NRXN1: variants seen among roughly 807,000 people sequenced by gnomAD.
NRXN1 encodes the protein neurexin-1.
Under a neutral mutation model 150.9 loss-of-function variants are expected in NRXN1, and 39 were observed. The observed-to-expected ratio is 0.26, with a 90% confidence interval of 0.20 to 0.34. The LOEUF is 0.34. NRXN1 is among the 10% of genes least tolerant of loss of function. The pLI, the probability that NRXN1 is intolerant of heterozygous loss-of-function variation, is 1.00. For synonymous variants in NRXN1, 924 were observed against 757.0 expected (o/e 1.22, Z -3.62); for missense variants, 1,815 against 1,949.9 (o/e 0.93, Z 1.30).
At chr2:50,070,052 G>A (rs1016455308) in intron 19 of NRXN1, among the ~76,000 whole-genome samples, 3 of 151,740 alleles carry the variant, frequency 2.0e-5, no homozygotes, top group African/African-American at 2.4e-5. Flanking sequence ...GGTTTTCACC[G>A]TGTTAGCCAG....
intron 2 of NRXN1, among the ~76,000 whole-genome samples, chr2:50,945,899 T>C (rs10581802): frequency 0.032 from 3,248 of 102,958 alleles, 51 homozygotes; most frequent in African/African-American, 0.058. Context: ...TATATATATA[T>C]ACACACACAC....
At chr2:50,876,587 T>A (rs1227158130) in intron 5 of NRXN1, among the ~76,000 whole-genome samples, 2 of 151,792 alleles carry the variant, frequency 1.3e-5, no homozygotes, top group African/African-American at 2.4e-5. Context: ...ACAATATCAG[T>A]ATTTGCTCAT....
At chr2:50,045,249 ATTGAC>A (rs965022752) in intron 21 of NRXN1, among the ~76,000 whole-genome samples, 3 of 152,222 alleles carry the variant, frequency 2.0e-5, no homozygotes, top group African/African-American at 7.2e-5. Flanking sequence ...TAAAACTAAT[ATTGAC>A]TTAGTTTTTT....
intron 8 of NRXN1, among the ~76,000 whole-genome samples, chr2:50,602,521 C>T (rs2216785): frequency 0.22 from 32,875 of 151,860 alleles, 4,389 homozygotes; most frequent in East Asian, 0.39. Flanking sequence ...CCAAAAATTG[C>T]TCTTATTTTT....
At chr2:50,700,049 G>A (rs1693509360) in intron 5 of NRXN1, among the ~76,000 whole-genome samples, 1 of 152,010 alleles carries the variant, frequency 6.6e-6, no homozygotes, top group South Asian at 2.1e-4. Flanking sequence ...AGAACTAATA[G>A]TCTTTAAAAA....
intron 21 of NRXN1, among the ~76,000 whole-genome samples, chr2:50,020,843 C>A (rs985017062): frequency 1.3e-5 from 2 of 152,086 alleles, no homozygotes; most frequent in Non-Finnish European, 2.9e-5. Context: ...TAAATCTCTA[C>A]CAAAATCTCT....
chr2:50,362,685 T>C (rs2079305856), intron 17 of NRXN1, among the ~76,000 whole-genome samples: 1 of 152,188 alleles, frequency 6.6e-6, no homozygotes, highest in South Asian at 2.1e-4. Flanking sequence ...AATTTATGCA[T>C]TTAATGTTTT....
At chr2:50,263,550 C>T (rs1318821981) in intron 17 of NRXN1, among the ~76,000 whole-genome samples, 1 of 151,850 alleles carries the variant, frequency 6.6e-6, no homozygotes, top group African/African-American at 2.4e-5. Flanking sequence ...TACAGTTGGT[C>T]ATTAAATAAT....
chr2:50,221,195 G>T (rs2063859605), intron 18 of NRXN1, among the ~76,000 whole-genome samples: 1 of 151,874 alleles, frequency 6.6e-6, no homozygotes, highest in Non-Finnish European at 1.5e-5. Flanking sequence ...AAACAACAAA[G>T]AACTGAATCC....
chr2:50,863,897 A>T (rs1370777029), intron 5 of NRXN1, among the ~76,000 whole-genome samples: 2 of 152,014 alleles, frequency 1.3e-5, no homozygotes, highest in Non-Finnish European at 2.9e-5. Context: ...ATGAGATAGG[A>T]AACTTTTTTG....
At chr2:50,396,269 C>A (rs928395841) in intron 17 of NRXN1, among the ~76,000 whole-genome samples, 2 of 152,150 alleles carry the variant, frequency 1.3e-5, no homozygotes, top group Admixed American at 1.3e-4. Flanking sequence ...CTCTAAATAA[C>A]AAATTCCTGT....
rs1444709781 is a variant in NRXN1, at chr2:51,022,681, G to C, written c.772+4821C>G. On this transcript the variant is annotated intron_variant, in intron 2 of 22. Transcript: ENST00000401669. ...ATGGCAGACTTCAAACAAAACTCTG[G>C]CAAAATCTCTGAATCATTTTTAACC... Among the ~76,000 whole-genome samples the C allele has an allele frequency of 1.9e-4, 29 of 151,998 alleles. 1 individual carries two copies.
chr2:50,574,033 T>C (rs1286410879), intron 8 of NRXN1, among the ~76,000 whole-genome samples: 1 of 152,146 alleles, frequency 6.6e-6, no homozygotes, highest in Non-Finnish European at 1.5e-5. Context: ...ATTTGTGTTG[T>C]TGCATATTTA....
At chr2:50,014,679 A>G (rs1015425899) in intron 21 of NRXN1, among the ~76,000 whole-genome samples, 1 of 152,160 alleles carries the variant, frequency 6.6e-6, no homozygotes, top group African/African-American at 2.4e-5. Context: ...AGTTGAGGAC[A>G]TGGATGCTAA....
chr2:50,481,788 C>T (rs1251241171), intron 15 of NRXN1, among the ~76,000 whole-genome samples: 2 of 31,396 alleles, frequency 6.4e-5, no homozygotes, highest in African/African-American at 1.1e-4. Context: ...TTTTTTGAGA[C>T]GGAGTCTCGC....
At chr2:50,205,392 T>C (rs982221592) in intron 18 of NRXN1, among the ~76,000 whole-genome samples, 6 of 152,052 alleles carry the variant, frequency 3.9e-5, no homozygotes, top group Non-Finnish European at 7.4e-5. Context: ...TATTCTTGCA[T>C]CTGAGAAAAA....
At chr2:50,113,653 A>G (rs945713321) in intron 18 of NRXN1, among the ~76,000 whole-genome samples, 10 of 152,296 alleles carry the variant, frequency 6.6e-5, no homozygotes, top group African/African-American at 2.4e-4. Flanking sequence ...TGGAAAATGT[A>G]TGTTCAATTC....
intron 19 of NRXN1, among the ~76,000 whole-genome samples, chr2:50,060,304 C>T (rs958889635): frequency 2.1e-4 from 32 of 152,230 alleles, no homozygotes; most frequent in South Asian, 8.3e-4. Flanking sequence ...TGCATGGGGC[C>T]TGTAGACCCT....
intron 2 of NRXN1, among the ~76,000 whole-genome samples, chr2:50,988,063 G>C (rs1173018179): frequency 1.3e-5 from 2 of 151,904 alleles, no homozygotes; most frequent in African/African-American, 2.4e-5. Flanking sequence ...TCTATTCAGG[G>C]AACTGGGATA....
Sources: gnomAD v4.1 joint callset for allele counts (sites outside exome capture counted in the v4.1 genomes callset) on GRCh38, gnomAD v4.1.1 for gene constraint, MANE v1.5 for transcripts, NCBI Gene and HGNC (gene_info 2026-07-23, HGNC 2026-07-21) for gene names.